The following ACTR1A variants were observed in gnomAD, a reference collection of about 807,000 sequenced individuals.
ACTR1A encodes alpha-centractin.
A neutral mutation model predicts 50.7 loss-of-function variants in ACTR1A; 10 were observed. That is an observed-to-expected ratio of 0.20 (90% CI 0.12 to 0.33). ACTR1A has a LOEUF of 0.33. Among genes scored for constraint, ACTR1A ranks in the 10% least tolerant of loss-of-function variants. ACTR1A has a pLI of 1.00. For missense variants in ACTR1A, 253 were observed against 491.7 expected (o/e 0.51, Z 4.59); for synonymous variants, 177 against 184.2 (o/e 0.96, Z 0.32).
At position 102,479,961 on chromosome 10, in the gene ACTR1A, G is replaced by T. The variant is rs2062130085; in HGVS notation, c.*902C>A. 1 of 244,116 alleles carries T rather than the reference G, an allele frequency of 4.1e-6. No homozygotes were observed. The highest frequency in any genetic ancestry group is 4.8e-5 in the South Asian group (1 of 20,880). The allele number at this position is 244,116 out of a possible 1,614,324, so 15.1% of individuals were successfully genotyped here. Reference sequence around the variant, plus strand: ...GTCCTGGAACCTGTGGACACTGTCAGCTCACCATCAGCTGGGAGAGGTGGG... The same window carrying T: ...GTCCTGGAACCTGTGGACACTGTCATCTCACCATCAGCTGGGAGAGGTGGG... On this transcript the variant is annotated 3_prime_UTR_variant, in exon 11 of 11. Coordinates refer to ENST00000369905, the MANE Select transcript of ACTR1A (RefSeq NM_005736.4). This position sits in a 1 kb window ranked among gnomAD's most constrained non-coding sequence, Gnocchi z 4.0.
At chr10:102,493,689 A>G (rs2062206226) in intron 1 of ACTR1A, among the ~76,000 whole-genome samples, 1 of 152,192 alleles carries the variant, frequency 6.6e-6, no homozygotes, top group African/African-American at 2.4e-5. Context: ...TTTTTATTAC[A>G]ATGTAAGGTT....
At chr10:102,481,604 C>T (rs908218255) in intron 9 of ACTR1A, among the ~76,000 whole-genome samples, 1 of 152,150 alleles carries the variant, frequency 6.6e-6, no homozygotes, top group Non-Finnish European at 1.5e-5. Flanking sequence ...AGTACCCTGC[C>T]TCATCTGGGT....
chr10:102,492,163 T>C (rs1214324557), intron 1 of ACTR1A, among the ~76,000 whole-genome samples: 1 of 133,008 alleles, frequency 7.5e-6, no homozygotes, highest in African/African-American at 2.9e-5. Context: ...CTCCACCTCC[T>C]GGGTTCAAGC....
chr10:102,492,111 C>T (rs1165970685), intron 1 of ACTR1A, among the ~76,000 whole-genome samples: 2 of 124,286 alleles, frequency 1.6e-5, no homozygotes, highest in Admixed American at 9.4e-5. Flanking sequence ...CGGTCTGTCA[C>T]CCAGGCTGGA....
intron 2 of ACTR1A, among the ~76,000 whole-genome samples, 188 bp from the exon 3 acceptor site, chr10:102,489,326 T>C (rs2062182032): frequency 6.6e-6 from 1 of 151,922 alleles, no homozygotes. Flanking sequence ...ACATGTATTA[T>C]TTATATATTA....
chr10:102,494,832 G>C (rs2062212496), intron 1 of ACTR1A, among the ~76,000 whole-genome samples: 1 of 152,106 alleles, frequency 6.6e-6, no homozygotes, highest in African/African-American at 2.4e-5. Context: ...ATTTTTTTGA[G>C]ATGGAGTCTG....
Position 102,479,336 on chromosome 10 carries a change from G to A in ACTR1A, c.*1527C>T. 5.2e-6 allele frequency: 2 copies of A among 385,334 alleles called. No individual in the cohort carries two copies. Among genetic ancestry groups the A allele is most frequent in the Middle Eastern group, 9.5e-4 (1 of 1,050 alleles). 23.9% of individuals were successfully genotyped at this position (385,334 alleles called of 1,614,324 possible). A position where few individuals can be genotyped will look rare whatever the true frequency, so the allele number is the denominator to read the frequency against. On this transcript the variant is annotated 3_prime_UTR_variant, in exon 11 of 11. Coordinates refer to ENST00000369905, the MANE Select transcript of ACTR1A (RefSeq NM_005736.4). This position sits in a 1 kb window ranked among gnomAD's most constrained non-coding sequence, Gnocchi z 4.0. The stretch of plus-strand genomic sequence containing the variant: ...AGGCTTGGGCTAAGAGAAGGGAGGT[G>A]AGTTGGTTAAGCGCACTGCAGTCCG...
At chr10:102,491,088 G>A (rs1422319658) in intron 1 of ACTR1A, among the ~76,000 whole-genome samples, 2 of 152,188 alleles carry the variant, frequency 1.3e-5, no homozygotes, top group Non-Finnish European at 2.9e-5. Context: ...GTGGAAATAG[G>A]ATGGTGAGGA....
chr10:102,480,787 G>A lies in ACTR1A; in HGVS notation c.*76C>T. The A allele has an allele frequency of 4.8e-6, 6 of 1,240,032 alleles. No homozygotes were observed. Among genetic ancestry groups the A allele is most frequent in the Non-Finnish European group, 5.9e-6 (5 of 841,474 alleles). The allele number at this position is 1,240,032 out of a possible 1,614,324, so 76.8% of individuals were successfully genotyped here. A position where few individuals can be genotyped will look rare whatever the true frequency, so the allele number is the denominator to read the frequency against. ...CGCACTCACACACAGGCAGTTCCTC[G>A]CAAACACTCCGACTCAAGAAAGCGA... On this transcript the variant is annotated 3_prime_UTR_variant, in exon 11 of 11. Coordinates refer to ENST00000369905, the MANE Select transcript of ACTR1A (RefSeq NM_005736.4).
intron 1 of ACTR1A, among the ~76,000 whole-genome samples, chr10:102,493,001 C>CAAAAAAAAAAAAAAAAAAAAAAAAAAAAA (rs398014648): frequency 6.1e-5 from 3 of 48,936 alleles, no homozygotes; most frequent in Non-Finnish European, 6.7e-5. Context: ...GACTCCACCT[C>CAAAAAAAAAAAAAAAAAAAAAAAAAAAAA]AAAAAAAAAA....
intron 1 of ACTR1A, among the ~76,000 whole-genome samples, chr10:102,498,248 A>G (rs902339242): frequency 1.3e-5 from 2 of 152,174 alleles, no homozygotes; most frequent in African/African-American, 4.8e-5. Flanking sequence ...AAATCTGGGT[A>G]GTAGACACAT....
chr10:102,490,702 A>G (rs2062187718), intron 1 of ACTR1A, 89 bp from the exon 2 acceptor site: 5 of 1,164,580 alleles, frequency 4.3e-6, no homozygotes, highest in Non-Finnish European at 6.3e-6. Flanking sequence ...TTATTTAAGA[A>G]AAGAAAGCGG....
chr10:102,482,104 G>A lies in ACTR1A; in HGVS notation c.822C>T (p.Gly274=), dbSNP rs1270214511. ...TGGCGAACACCAGGACCTCGTGGATGCCTTCACTCTCCTCTCCAATCAAAT... is the reference window on the plus strand; with the variant it reads ...TGGCGAACACCAGGACCTCGTGGATACCTTCACTCTCCTCTCCAATCAAAT... ...RPDLIGEESE[G]IHEVLVFAIQ... Residue 274 remains glycine, a synonymous_variant, in exon 8 of 11, where the codon GGC becomes GGT. Coordinates refer to ENST00000369905, the MANE Select transcript of ACTR1A (RefSeq NM_005736.4). The surrounding 1 kb of genome is among the most constrained non-coding windows in gnomAD (Gnocchi z 5.6). 9.9e-6 allele frequency: 16 copies of A among 1,614,058 alleles called. No individual in the cohort carries two copies. Among genetic ancestry groups the A allele is most frequent in the Non-Finnish European group, 1.3e-5 (15 of 1,180,044 alleles).
At chr10:102,497,929 C>CA (rs397937965) in intron 1 of ACTR1A, among the ~76,000 whole-genome samples, 10,639 of 111,388 alleles carry the variant, frequency 0.096, 528 homozygotes, top group Non-Finnish European at 0.13. Flanking sequence ...CCCATTTCTA[C>CA]AAAAAAAAAA....
intron 1 of ACTR1A, among the ~76,000 whole-genome samples, chr10:102,500,351 C>G (rs1291431954): frequency 2.6e-5 from 4 of 151,926 alleles, no homozygotes; most frequent in African/African-American, 9.7e-5. Context: ...GGGCGGATCA[C>G]GAGGTCAGGA....
At chr10:102,499,066 T>G (rs1018508739) in intron 1 of ACTR1A, among the ~76,000 whole-genome samples, 1 of 152,168 alleles carries the variant, frequency 6.6e-6, no homozygotes. Context: ...AAAGACGTGG[T>G]CACAATTGTC....
rs2062150264 is a variant in ACTR1A at position 102,482,795 on chromosome 10, CA to C, written c.750+215del. On this transcript the variant is annotated intron_variant, in intron 7 of 10. Transcript: ENST00000369905. The surrounding 1 kb of genome is among the most constrained non-coding windows in gnomAD (Gnocchi z 5.6). ...GCTGCTGAGCTAAAAAAAAAAATTG[CA>C]AAAGAATCTCATAATGTTTTAAGAA... 2 of 553,824 alleles carry C rather than the reference CA, an allele frequency of 3.6e-6. No individual in the cohort carries two copies. Among genetic ancestry groups the C allele is most frequent in the Non-Finnish European group, 6.4e-6 (2 of 310,502 alleles). The allele number at this position is 553,824 out of a possible 1,614,324, so 34.3% of individuals were successfully genotyped here.
intron 4 of ACTR1A, among the ~76,000 whole-genome samples, 170 bp from the exon 5 acceptor site, chr10:102,485,903 C>G (rs537835445): frequency 7.2e-5 from 11 of 152,302 alleles, no homozygotes; most frequent in African/African-American, 2.6e-4. Context: ...AAGTAGTTTT[C>G]TCAACTTTTC....
In ACTR1A at chr10:102,483,080, G is replaced by A. The variant is rs902026282; in HGVS notation, c.681C>T (p.Asn227=). ...TCTCTAGCGTCTCATCCTTTTGGGG[G>A]TTTATGGATAGGTAACAGGCTCTCT... ...IKERACYLSI[N]PQKDETLETE... is the part of the protein sequence containing the mutation. Residue 227 remains asparagine, a synonymous_variant, in exon 7 of 11, where the codon AAC becomes AAT. Transcript: ENST00000369905. 2 of 1,614,138 alleles carry A rather than the reference G, an allele frequency of 1.2e-6. No homozygotes were observed. The highest frequency in any genetic ancestry group is 1.7e-6 in the Non-Finnish European group (2 of 1,179,982).
Sources: gnomAD v4.1 joint callset for allele counts (sites outside exome capture counted in the v4.1 genomes callset) on GRCh38, gnomAD v4.1.1 for gene constraint, Gnocchi (gnomAD v3.1) non-coding constraint, MANE v1.5 for transcripts, NCBI Gene and HGNC (gene_info 2026-07-23, HGNC 2026-07-21) for gene names.